Variants in COL5A2 observed in about 807,000 individuals in gnomAD.
COL5A2 encodes the protein collagen type V alpha 2 chain, also known as collagen alpha-2(V) chain.
A neutral mutation model predicts 208.2 loss-of-function variants in COL5A2; 23 were observed. The ratio of observed to expected loss-of-function variants is 0.11; its 90% CI spans 0.08 to 0.16. The LOEUF is 0.16. Ranked by LOEUF, COL5A2 falls within the 10% of genes least tolerant of loss-of-function variation. The probability of loss-of-function intolerance (pLI) is 1.00; values close to 1 mark genes in which losing one functional copy is unlikely to be tolerated. For missense variants in COL5A2, 1,590 were observed against 1,956.4 expected (o/e 0.81, Z 3.53); for synonymous variants, 625 against 628.5 (o/e 0.99, Z 0.08).
chr2:189,071,764 G>C (rs999060433), intron 18 of COL5A2, among the ~76,000 whole-genome samples: 7 of 152,182 alleles, frequency 4.6e-5, no homozygotes, highest in Middle Eastern at 6.8e-3. Context: ...CCTTATAGTT[G>C]TTTTGACTGG....
the COL5A2 span, among the ~76,000 whole-genome samples, chr2:189,348,027 A>G: frequency 6.6e-6 from 1 of 152,062 alleles, no homozygotes; most frequent in African/African-American, 2.4e-5. Flanking sequence ...CAAAATTTAC[A>G]GCATAATATT....
At chr2:189,366,179 A>G in the COL5A2 span, among the ~76,000 whole-genome samples, 4 of 152,336 alleles carry the variant, frequency 2.6e-5, no homozygotes, top group South Asian at 4.1e-4. Flanking sequence ...CACTTAGCAC[A>G]CTGCCTTACC....
intron 2 of COL5A2, among the ~76,000 whole-genome samples, chr2:189,109,145 CTG>C (rs530010979): frequency 6.2e-4 from 94 of 151,902 alleles, no homozygotes; most frequent in African/African-American, 2.2e-3. Context: ...TTGAAGGAGA[CTG>C]TATATTTTGG....
the COL5A2 span, among the ~76,000 whole-genome samples, chr2:189,424,029 T>C: frequency 7.2e-4 from 110 of 152,210 alleles, no homozygotes; most frequent in Non-Finnish European, 1.2e-3. Context: ...ATCCCAGAAA[T>C]GCAAGGATGA....
At chr2:189,356,843 T>G in the COL5A2 span, among the ~76,000 whole-genome samples, 169 of 152,348 alleles carry the variant, frequency 1.1e-3, no homozygotes, top group African/African-American at 3.7e-3. Flanking sequence ...TCAGCCTTTT[T>G]GCACTGGTTT....
At chr2:189,040,096 T>C (rs1466457024) in intron 50 of COL5A2, among the ~76,000 whole-genome samples, 2 of 152,184 alleles carry the variant, frequency 1.3e-5, no homozygotes, top group African/African-American at 4.8e-5. Context: ...GAAGTCCTTT[T>C]ATGTGCATTA....
chr2:189,034,065 T>G lies in COL5A2; in HGVS notation c.*5A>C. On this transcript the variant is annotated 3_prime_UTR_variant, in exon 54 of 54. Transcript: ENST00000374866. ...GTGCTCATTGTCGATGTGTCTTGGC[T>G]TACTTTACACAAAACAAACTGGCCC... 1 of 1,613,954 alleles carries G rather than the reference T, an allele frequency of 6.2e-7. No homozygotes were observed. The highest frequency in any genetic ancestry group is 8.5e-7 in the Non-Finnish European group (1 of 1,179,860).
chr2:189,416,274 C>T, the COL5A2 span, among the ~76,000 whole-genome samples: 104 of 152,258 alleles, frequency 6.8e-4, no homozygotes, highest in Middle Eastern at 6.8e-3. Flanking sequence ...ATGTTTATTG[C>T]GGCACTATTC....
the COL5A2 span, among the ~76,000 whole-genome samples, chr2:189,327,709 A>T: frequency 2.0e-5 from 3 of 152,240 alleles, no homozygotes; most frequent in African/African-American, 7.2e-5. Flanking sequence ...AAATTACTCA[A>T]ATACAAATAA....
At chr2:189,077,498 A>C (rs1445843149) in intron 16 of COL5A2, among the ~76,000 whole-genome samples, 2 of 152,210 alleles carry the variant, frequency 1.3e-5, no homozygotes, top group African/African-American at 4.8e-5. Flanking sequence ...GAAATGTGGG[A>C]AGAGCAATAG....
chr2:189,206,680 C>A (rs1229985697), intron 1 of COL5A2, among the ~76,000 whole-genome samples: 1 of 152,106 alleles, frequency 6.6e-6, no homozygotes, highest in East Asian at 1.9e-4. Context: ...TCTGCCCAAC[C>A]TATTCACACT....
chr2:189,366,117 T>C, the COL5A2 span, among the ~76,000 whole-genome samples: 1 of 152,152 alleles, frequency 6.6e-6, no homozygotes, highest in Non-Finnish European at 1.5e-5. Context: ...AGATCTTGTA[T>C]AGCACCATCA....
At chr2:189,339,916 T>C in the COL5A2 span, among the ~76,000 whole-genome samples, 1 of 152,328 alleles carries the variant, frequency 6.6e-6, no homozygotes, top group South Asian at 2.1e-4. Flanking sequence ...AGGATCAATG[T>C]CCATGTTTAT....
chr2:189,291,871 A>T, the COL5A2 span, among the ~76,000 whole-genome samples: 1 of 152,198 alleles, frequency 6.6e-6, no homozygotes, highest in Non-Finnish European at 1.5e-5. Flanking sequence ...AAATGTATTA[A>T]TTTAGCATCT....
chr2:189,041,261 T>C (rs1685554812), intron 50 of COL5A2, among the ~76,000 whole-genome samples: 1 of 152,234 alleles, frequency 6.6e-6, no homozygotes. Flanking sequence ...GTAATAACTA[T>C]ACCTCACAGA....
the COL5A2 span, among the ~76,000 whole-genome samples, chr2:189,386,024 G>A: frequency 6.6e-6 from 1 of 152,122 alleles, no homozygotes; most frequent in Non-Finnish European, 1.5e-5. Context: ...AAGAGAGCTT[G>A]TGCAGGGGAA....
chr2:189,076,000 G>A (rs1686396814), intron 16 of COL5A2, among the ~76,000 whole-genome samples: 1 of 152,132 alleles, frequency 6.6e-6, no homozygotes, highest in Non-Finnish European at 1.5e-5. Flanking sequence ...CTTGGTCAAT[G>A]CAGGGATACA....
the COL5A2 span, among the ~76,000 whole-genome samples, chr2:189,407,829 A>T: frequency 1.3e-5 from 2 of 152,180 alleles, no homozygotes; most frequent in African/African-American, 4.8e-5. Context: ...GTTTTAAGAC[A>T]TTTTTAACAG....
chr2:189,117,550 A>C (rs999523690), intron 1 of COL5A2, among the ~76,000 whole-genome samples: 1 of 152,082 alleles, frequency 6.6e-6, no homozygotes, highest in Non-Finnish European at 1.5e-5. Flanking sequence ...AAATCTGCTT[A>C]ACTGTTTCTC....
Sources: allele counts gnomAD v4.1 joint callset (sites outside exome capture counted in the v4.1 genomes callset), GRCh38; gene constraint gnomAD v4.1.1; transcripts MANE v1.5; gene names NCBI Gene and HGNC (gene_info 2026-07-23, HGNC 2026-07-21).